SLC25A48: variants seen among roughly 807,000 people sequenced by gnomAD.
SLC25A48 encodes solute carrier family 25 member 48.
SLC25A48 carries 29 observed loss-of-function variants against 32.2 expected under a neutral mutation model. That is an observed-to-expected ratio of 0.90 (90% CI 0.67 to 1.23). The LOEUF is 1.23. Ranked by LOEUF, SLC25A48 falls within the 50% of genes most tolerant of loss-of-function variation. The probability of loss-of-function intolerance (pLI) is 0.00; values close to 1 mark genes in which losing one functional copy is unlikely to be tolerated. For missense variants in SLC25A48, 399 were observed against 422.7 expected, an observed-to-expected ratio of 0.94 and a Z score of 0.49; for synonymous variants, 164 against 172.3, an observed-to-expected ratio of 0.95 and a Z score of 0.38.
intron 3 of SLC25A48, among the ~76,000 whole-genome samples, chr5:135,811,795 A>G (rs1757594660): frequency 6.6e-6 from 1 of 152,218 alleles, no homozygotes; most frequent in Admixed American, 6.5e-5. Context: ...AAATATGAGT[A>G]TTTAGGCTAG....
At chr5:135,709,955 A>G (rs923150150) in intron 3 of SLC25A48, among the ~76,000 whole-genome samples, 1 of 152,202 alleles carries the variant, frequency 6.6e-6, no homozygotes, top group Non-Finnish European at 1.5e-5. Flanking sequence ...CAGATAAACG[A>G]CATTTACCAA....
At chr5:135,690,478 A>C (rs1754119983) in intron 3 of SLC25A48, among the ~76,000 whole-genome samples, 1 of 152,178 alleles carries the variant, frequency 6.6e-6, no homozygotes, top group Non-Finnish European at 1.5e-5. Flanking sequence ...ATCTTGGAGT[A>C]AAACATGAGT....
chr5:135,739,527 C>A (rs577562315), intron 3 of SLC25A48, among the ~76,000 whole-genome samples: 2 of 152,176 alleles, frequency 1.3e-5, no homozygotes, highest in Non-Finnish European at 2.9e-5. Context: ...ATGACAGACA[C>A]CTGCCTGCCT....
At chr5:135,630,588 CTTTTT>C (rs869088370) in intron 2 of SLC25A48, among the ~76,000 whole-genome samples, 8 of 58,942 alleles carry the variant, frequency 1.4e-4, no homozygotes, top group South Asian at 9.9e-4. Context: ...GGCTGGGCAC[CTTTTT>C]TTTTTTTTTT....
intron 3 of SLC25A48, among the ~76,000 whole-genome samples, chr5:135,776,159 T>C (rs1041195269): frequency 4.6e-5 from 7 of 151,594 alleles, no homozygotes; most frequent in African/African-American, 1.7e-4. Context: ...GTAGGGATTG[T>C]ACACCTCACT....
rs563864793 is a variant in SLC25A48 at position 135,837,307 on chromosome 5, TC to T, written c.46+2415del. 1.8e-3 allele frequency among the ~76,000 whole-genome samples: 281 copies of T among 152,264 alleles called. 2 individuals are homozygous for T. The highest frequency in any genetic ancestry group is 6.5e-3 in the African/African-American group (270 of 41,536). Reference sequence around the variant, plus strand: ...GAGGGGATAAGAGGGGACAGGTGGTTCTGGACCCAGGGAATCATTGTTCTGG... The same window carrying T: ...GAGGGGATAAGAGGGGACAGGTGGTTTGGACCCAGGGAATCATTGTTCTGG... On this transcript the variant is annotated intron_variant, in intron 1 of 7. Coordinates refer to ENST00000681962, the MANE Select transcript of SLC25A48 (RefSeq NM_001349336.2).
At chr5:135,838,803 T>G (rs574971361) in intron 1 of SLC25A48, among the ~76,000 whole-genome samples, 2 of 152,356 alleles carry the variant, frequency 1.3e-5, no homozygotes, top group South Asian at 4.1e-4. Context: ...AGAGGATGTA[T>G]GAAAATGCCT....
chr5:135,607,852 T>A (rs185813901), intron 1 of SLC25A48, among the ~76,000 whole-genome samples: 118 of 152,324 alleles, frequency 7.7e-4, no homozygotes, highest in Non-Finnish European at 1.4e-3. Context: ...TTGGCTTATT[T>A]ATGGGGCTGA....
At chr5:135,732,645 C>T (rs1755256551) in intron 3 of SLC25A48, among the ~76,000 whole-genome samples, 1 of 152,116 alleles carries the variant, frequency 6.6e-6, no homozygotes, top group Non-Finnish European at 1.5e-5. Context: ...AAGAGGTGGG[C>T]TAGCAGCTTG....
chr5:135,856,079 G>A (rs1202081786), intron 4 of SLC25A48, among the ~76,000 whole-genome samples: 1 of 152,202 alleles, frequency 6.6e-6, no homozygotes, highest in Non-Finnish European at 1.5e-5. Context: ...TTGGAGGAAG[G>A]ATAGGCTTGC....
chr5:135,682,053 T>G (rs930501514), intron 3 of SLC25A48, among the ~76,000 whole-genome samples: 1 of 152,220 alleles, frequency 6.6e-6, no homozygotes, highest in Non-Finnish European at 1.5e-5. Flanking sequence ...CTCTGTGCAA[T>G]TCTCTCCTCT....
At chr5:135,785,477 C>A (rs1756815702) in intron 3 of SLC25A48, among the ~76,000 whole-genome samples, 1 of 150,380 alleles carries the variant, frequency 6.6e-6, no homozygotes, top group Non-Finnish European at 1.5e-5. Context: ...ATGGTAATAT[C>A]CAGGCGGGAG....
chr5:135,876,128 C>CTTTTTTTTTTTTTTT (rs1402681382), intron 6 of SLC25A48: 4 of 47,864 alleles, frequency 8.4e-5, no homozygotes, highest in East Asian at 1.2e-3. Flanking sequence ...TTTTTTTCTT[C>CTTTTTTTTTTTTTTT]TTCTTTTTTT....
intron 1 of SLC25A48, chr5:135,609,867 G>T (rs1301382159): frequency 6.6e-6 from 1 of 152,166 alleles, no homozygotes; most frequent in Non-Finnish European, 1.5e-5. Context: ...AGTGGTTATA[G>T]GTAAAAAGGG....
intron 3 of SLC25A48, among the ~76,000 whole-genome samples, chr5:135,716,995 C>A (rs1348333611): frequency 6.6e-6 from 1 of 152,176 alleles, no homozygotes; most frequent in African/African-American, 2.4e-5. Flanking sequence ...GAGGGCATAA[C>A]CATTATAATA....
intron 1 of SLC25A48, among the ~76,000 whole-genome samples, chr5:135,583,735 A>G (rs972209263): frequency 2.0e-5 from 3 of 152,114 alleles, no homozygotes; most frequent in African/African-American, 2.4e-5. Context: ...CACTCATGAC[A>G]TGGTGGGTCA....
chr5:135,621,464 A>G (rs1162064478), intron 1 of SLC25A48, among the ~76,000 whole-genome samples: 1 of 152,240 alleles, frequency 6.6e-6, no homozygotes, highest in Non-Finnish European at 1.5e-5. Context: ...ATTTTGAAAA[A>G]TAAGAGTTGT....
intron 7 of SLC25A48, among the ~76,000 whole-genome samples, chr5:135,884,175 A>AAG (rs1762641647): frequency 6.6e-6 from 1 of 152,120 alleles, no homozygotes; most frequent in Non-Finnish European, 1.5e-5. Flanking sequence ...TTTCTCCACT[A>AAG]CGCTGTTCCC....
chr5:135,697,643 G>A (rs546042442), intron 3 of SLC25A48, among the ~76,000 whole-genome samples: 4 of 152,254 alleles, frequency 2.6e-5, no homozygotes, highest in African/African-American at 9.6e-5. Context: ...CCTACATAAC[G>A]GGAAGGTAGA....
Sources: allele counts gnomAD v4.1 joint callset (sites outside exome capture counted in the v4.1 genomes callset), GRCh38; gene constraint gnomAD v4.1.1; transcripts MANE v1.5; gene names NCBI Gene and HGNC (gene_info 2026-07-23, HGNC 2026-07-21).